The following GABBR2 variants were observed in gnomAD, a reference collection of about 807,000 sequenced individuals.
GABBR2 encodes gamma-aminobutyric acid type B receptor subunit 2.
GABBR2 carries 23 observed loss-of-function variants against 105.6 expected under a neutral mutation model. That is an observed-to-expected ratio of 0.22 (90% CI 0.16 to 0.31). The LOEUF (loss-of-function observed/expected upper bound fraction) is 0.31, where lower values mean the gene tolerates loss of function less well. Among genes scored for constraint, GABBR2 ranks in the 10% least tolerant of loss-of-function variants. The probability of loss-of-function intolerance (pLI) is 1.00; values close to 1 mark genes in which losing one functional copy is unlikely to be tolerated. For missense variants in GABBR2, 734 were observed against 1,245.5 expected, an observed-to-expected ratio of 0.59 and a Z score of 6.18; for synonymous variants, 478 against 499.7, an observed-to-expected ratio of 0.96 and a Z score of 0.58.
At chr9:98,362,607 G>T in intron 13 of GABBR2, 108 bp downstream of exon 13, 1 of 797,116 alleles carries the variant, frequency 1.3e-6, no homozygotes, top group Non-Finnish European at 1.8e-6. Flanking sequence ...AACTGATGAA[G>T]TGTTCCCAGT....
chr9:98,572,429 A>G (rs958714051), intron 2 of GABBR2, among the ~76,000 whole-genome samples: 16 of 152,210 alleles, frequency 1.1e-4, no homozygotes, highest in Admixed American at 3.3e-4. Flanking sequence ...CTCCTCCAAA[A>G]AGGGCCGCCA....
At chr9:98,546,839 T>G (rs1477645134) in intron 2 of GABBR2, among the ~76,000 whole-genome samples, 1 of 123,418 alleles carries the variant, frequency 8.1e-6, no homozygotes, top group African/African-American at 2.6e-5. Context: ...CAACTTTGTA[T>G]CTATTCTTCT....
intron 18 of GABBR2, among the ~76,000 whole-genome samples, chr9:98,291,419 A>C (rs1830300981): frequency 6.6e-6 from 1 of 152,098 alleles, no homozygotes; most frequent in South Asian, 2.1e-4. Flanking sequence ...GCAAACCTCC[A>C]CAGGGCTTTC....
At chr9:98,546,498 C>T (rs1029151706) in intron 2 of GABBR2, among the ~76,000 whole-genome samples, 3 of 152,118 alleles carry the variant, frequency 2.0e-5, no homozygotes, top group African/African-American at 4.8e-5. Flanking sequence ...ATTCATTGAG[C>T]GAGTGAAGAT....
chr9:98,464,183 A>G (rs1248267231), intron 6 of GABBR2, among the ~76,000 whole-genome samples: 1 of 145,852 alleles, frequency 6.9e-6, no homozygotes, highest in African/African-American at 2.6e-5. Flanking sequence ...CCGTCTAGGA[A>G]TTGAGGAGCA....
At chr9:98,317,892 G>T (rs767727313) in intron 13 of GABBR2, among the ~76,000 whole-genome samples, 1 of 152,182 alleles carries the variant, frequency 6.6e-6, no homozygotes, top group Admixed American at 6.5e-5. Flanking sequence ...GGAAACTACG[G>T]GCACTTGGAG....
chr9:98,648,116 T>TGTGTGTGTGTGTGTGTGTATAG, intron 1 of GABBR2, among the ~76,000 whole-genome samples: 1,132 of 55,884 alleles, frequency 0.02, 33 homozygotes, highest in South Asian at 0.025. Context: ...TGTGTGTGTG[T>TGTGTGTGTGTGTGTGTGTATAG]ATAGATAGAT....
chr9:98,697,448 G>A (rs569020443), intron 1 of GABBR2, among the ~76,000 whole-genome samples: 1 of 149,274 alleles, frequency 6.7e-6, no homozygotes, highest in South Asian at 2.1e-4. Context: ...CGGAGATGGC[G>A]CCACTGCACT....
At chr9:98,570,558 C>G (rs1164596778) in intron 2 of GABBR2, among the ~76,000 whole-genome samples, 1 of 152,230 alleles carries the variant, frequency 6.6e-6, no homozygotes, top group African/African-American at 2.4e-5. Flanking sequence ...TTCCCATGCT[C>G]TGTCTCCATC....
intron 3 of GABBR2, among the ~76,000 whole-genome samples, chr9:98,530,641 C>G (rs1168811128): frequency 6.6e-6 from 1 of 152,104 alleles, no homozygotes; most frequent in Non-Finnish European, 1.5e-5. Context: ...TAAAAATAAC[C>G]AGGCGCGGTG....
intron 1 of GABBR2, among the ~76,000 whole-genome samples, chr9:98,635,477 G>A (rs1829863760): frequency 6.6e-6 from 1 of 152,200 alleles, no homozygotes; most frequent in Admixed American, 6.5e-5. Flanking sequence ...CAACAACCAT[G>A]AGGGAGACAG....
At chr9:98,324,290 G>A (rs1830879678) in intron 13 of GABBR2, among the ~76,000 whole-genome samples, 1 of 152,134 alleles carries the variant, frequency 6.6e-6, no homozygotes, top group South Asian at 2.1e-4. Context: ...TGTGTCCTTG[G>A]CTAAAGGCAG....
At chr9:98,426,733 C>T (rs1015897046) in intron 7 of GABBR2, among the ~76,000 whole-genome samples, 4 of 152,200 alleles carry the variant, frequency 2.6e-5, no homozygotes, top group African/African-American at 9.7e-5. Context: ...AGTGGTGGCT[C>T]ATGCTGTAAT....
intron 1 of GABBR2, among the ~76,000 whole-genome samples, chr9:98,689,686 A>G (rs1209011198): frequency 6.6e-6 from 1 of 152,226 alleles, no homozygotes; most frequent in Non-Finnish European, 1.5e-5. Context: ...CTTTTCTTCA[A>G]AAGAGTCAAA....
intron 3 of GABBR2, among the ~76,000 whole-genome samples, chr9:98,537,637 A>G (rs1828208739): frequency 6.6e-6 from 1 of 151,874 alleles, no homozygotes; most frequent in African/African-American, 2.4e-5. Flanking sequence ...GGGCTTTGTC[A>G]TGTTCTCCAG....
At chr9:98,628,474 C>T (rs1175615643) in intron 1 of GABBR2, among the ~76,000 whole-genome samples, 1 of 152,180 alleles carries the variant, frequency 6.6e-6, no homozygotes, top group African/African-American at 2.4e-5. Flanking sequence ...TCCGGGGCAC[C>T]ATTTGGCTGC....
In GABBR2 at chr9:98,572,179, T is replaced by G. The variant is rs1828842411; in HGVS notation, c.459+5756A>C. On this transcript the variant is annotated intron_variant, in intron 2 of 18. Transcript: ENST00000259455. ...TGGACTCTATGAAGGTCCTTGCATA[T>G]AGAGGGAGAAACAGGTTCCCAGTGG... 1.3e-5 allele frequency among the ~76,000 whole-genome samples: 2 copies of G among 152,290 alleles called. 1 individual carries two copies. The highest frequency in any genetic ancestry group is 4.1e-4 in the South Asian group (2 of 4,828).
At chr9:98,417,940 C>G (rs191658029) in intron 7 of GABBR2, among the ~76,000 whole-genome samples, 1 of 152,018 alleles carries the variant, frequency 6.6e-6, no homozygotes, top group Admixed American at 6.6e-5. Flanking sequence ...AGGCAAGAGA[C>G]AGTGTGGCTC....
At chr9:98,401,046 TCTGGGGTCA>T (rs756409488) in intron 8 of GABBR2, among the ~76,000 whole-genome samples, 1 of 151,378 alleles carries the variant, frequency 6.6e-6, no homozygotes, top group Non-Finnish European at 1.5e-5. Flanking sequence ...AGAGTGTAAA[TCTGGGGTCA>T]CTGTTAAGAG....
Sources: gnomAD v4.1 joint callset for allele counts (sites outside exome capture counted in the v4.1 genomes callset) on GRCh38, gnomAD v4.1.1 for gene constraint, MANE v1.5 for transcripts, NCBI Gene and HGNC (gene_info 2026-07-23, HGNC 2026-07-21) for gene names.